Variants in RNF13 observed in about 807,000 individuals in gnomAD.
RNF13 encodes the protein E3 ubiquitin-protein ligase RNF13.
A neutral mutation model predicts 37.7 loss-of-function variants in RNF13; 19 were observed. The ratio of observed to expected loss-of-function variants is 0.50; its 90% CI spans 0.35 to 0.74. The LOEUF is 0.74. RNF13 is among the 30% of genes least tolerant of loss of function. The probability of loss-of-function intolerance (pLI) is 0.01; values close to 1 mark genes in which losing one functional copy is unlikely to be tolerated. For synonymous variants in RNF13, 144 were observed against 157.8 expected, an observed-to-expected ratio of 0.91 and a Z score of 0.65; for missense variants, 375 against 453.0, an observed-to-expected ratio of 0.83 and a Z score of 1.56.
chr3:149,830,847 G>A (rs949961786), intron 1 of RNF13, among the ~76,000 whole-genome samples: 12 of 152,204 alleles, frequency 7.9e-5, no homozygotes, highest in Admixed American at 2.6e-4. Flanking sequence ...AAAATGGCTT[G>A]CTGGGCTGGG....
chr3:149,842,070 CTCT>C (rs995581844), intron 1 of RNF13, among the ~76,000 whole-genome samples: 17 of 152,274 alleles, frequency 1.1e-4, no homozygotes, highest in African/African-American at 4.1e-4. Flanking sequence ...CAGTCTCTCT[CTCT>C]TTTTTCTTTT....
intron 7 of RNF13, among the ~76,000 whole-genome samples, chr3:149,915,802 A>G (rs1327470687): frequency 6.6e-6 from 1 of 152,182 alleles, no homozygotes; most frequent in Non-Finnish European, 1.5e-5. Context: ...AAATTCATAG[A>G]GACAGAAACT....
chr3:149,829,690 T>C (rs142452270), intron 1 of RNF13, among the ~76,000 whole-genome samples: 23 of 152,354 alleles, frequency 1.5e-4, no homozygotes, highest in African/African-American at 5.5e-4. Flanking sequence ...TGGTTTCTGA[T>C]GTAACACTTT....
intron 6 of RNF13, among the ~76,000 whole-genome samples, chr3:149,910,644 G>A (rs777453927): frequency 2.0e-5 from 3 of 152,170 alleles, no homozygotes; most frequent in South Asian, 2.1e-4. Flanking sequence ...TACTGAGAAC[G>A]ATTGTTTTGC....
At chr3:149,946,033 GC>G (rs1320265396) in intron 8 of RNF13, among the ~76,000 whole-genome samples, 1 of 152,230 alleles carries the variant, frequency 6.6e-6, no homozygotes, top group African/African-American at 2.4e-5. Flanking sequence ...AAGGAATGCA[GC>G]TCCTCACCAG....
intron 7 of RNF13, among the ~76,000 whole-genome samples, chr3:149,919,417 A>T (rs1717897504): frequency 6.6e-6 from 1 of 152,048 alleles, no homozygotes; most frequent in African/African-American, 2.4e-5. Context: ...ACCCTTCTCC[A>T]TGCCCAGACA....
At chr3:149,862,365 T>C (rs1372999036) in intron 3 of RNF13, among the ~76,000 whole-genome samples, 1 of 152,076 alleles carries the variant, frequency 6.6e-6, no homozygotes, top group Non-Finnish European at 1.5e-5. Context: ...ATATTACAGA[T>C]ACTACTGAAA....
intron 3 of RNF13, among the ~76,000 whole-genome samples, chr3:149,857,825 G>T (rs1378396668): frequency 6.6e-6 from 1 of 152,084 alleles, no homozygotes; most frequent in African/African-American, 2.4e-5. Context: ...AAGTATTAAA[G>T]AATCATTATT....
chr3:149,915,780 C>T (rs1298847869), intron 7 of RNF13, among the ~76,000 whole-genome samples: 1 of 152,132 alleles, frequency 6.6e-6, no homozygotes, highest in Non-Finnish European at 1.5e-5. Context: ...ACACGAGGTA[C>T]CTGGAGTAGC....
chr3:149,833,076 A>G (rs565298558), intron 1 of RNF13, among the ~76,000 whole-genome samples: 1 of 152,130 alleles, frequency 6.6e-6, no homozygotes, highest in African/African-American at 2.4e-5. Context: ...CTAAAAAAAG[A>G]AAGAAAAGAA....
At chr3:149,957,858 A>C (rs1368588798) in intron 8 of RNF13, among the ~76,000 whole-genome samples, 1 of 152,228 alleles carries the variant, frequency 6.6e-6, no homozygotes, top group Admixed American at 6.5e-5. Context: ...TAAAAGGACC[A>C]GGATGGGAAC....
At chr3:149,888,079 G>C (rs73870465) in intron 4 of RNF13, among the ~76,000 whole-genome samples, 1,904 of 152,112 alleles carry the variant, frequency 0.013, 35 homozygotes, top group African/African-American at 0.044. Context: ...CTTGAGAGAG[G>C]TGTATTTTTA....
chr3:149,832,692 AAG>A (rs1721183961), intron 1 of RNF13, among the ~76,000 whole-genome samples: 1 of 152,206 alleles, frequency 6.6e-6, no homozygotes, highest in African/African-American at 2.4e-5. Context: ...TCAGAAATGA[AAG>A]AGGGGACACA....
chr3:149,926,123 T>C (rs1559956052), intron 8 of RNF13, among the ~76,000 whole-genome samples: 1 of 152,236 alleles, frequency 6.6e-6, no homozygotes, highest in Non-Finnish European at 1.5e-5. Context: ...AGTTCTTCAA[T>C]AATTCTTGTG....
intron 4 of RNF13, among the ~76,000 whole-genome samples, chr3:149,881,966 TA>T (rs1286003523): frequency 6.6e-6 from 1 of 152,192 alleles, no homozygotes; most frequent in African/African-American, 2.4e-5. Context: ...CTTATGCACT[TA>T]ATTTTTTTTA....
intron 8 of RNF13, among the ~76,000 whole-genome samples, chr3:149,951,050 C>T (rs1226187587): frequency 1.3e-5 from 2 of 152,140 alleles, no homozygotes; most frequent in Non-Finnish European, 2.9e-5. Context: ...CGACCACCCC[C>T]AATACCTGAG....
chr3:149,902,245 T>C (rs1576848801), intron 6 of RNF13, 83 bp downstream of exon 6: 1 of 658,506 alleles, frequency 1.5e-6, no homozygotes, highest in Admixed American at 3.3e-5. Flanking sequence ...TAATCAAGAT[T>C]ATGTTTCAGA....
chr3:149,952,377 T>G (rs1218734063), intron 8 of RNF13, among the ~76,000 whole-genome samples: 5 of 152,110 alleles, frequency 3.3e-5, no homozygotes, highest in Admixed American at 3.3e-4. Context: ...TTGGGCTTTA[T>G]GCAAAAATAA....
chr3:149,824,823 TTTTAA>T (rs1418314617), intron 1 of RNF13, among the ~76,000 whole-genome samples: 1 of 152,048 alleles, frequency 6.6e-6, no homozygotes, highest in Non-Finnish European at 1.5e-5. Flanking sequence ...TTTTTTTTTT[TTTTAA>T]TTTAACTTAT....
Sources: gnomAD v4.1 joint callset for allele counts (sites outside exome capture counted in the v4.1 genomes callset) on GRCh38, gnomAD v4.1.1 for gene constraint, MANE v1.5 for transcripts, NCBI Gene and HGNC (gene_info 2026-07-23, HGNC 2026-07-21) for gene names.